Variants in LRRTM4 observed in about 807,000 individuals in gnomAD.
LRRTM4 encodes the protein leucine-rich repeat transmembrane neuronal protein 4.
In LRRTM4, 25 loss-of-function variants were observed where a neutral mutation model predicts 47.6. The observed-to-expected ratio is 0.53, with a 90% CI of 0.38 to 0.73. The LOEUF (loss-of-function observed/expected upper bound fraction) is 0.73, where lower values mean the gene tolerates loss of function less well. Among genes scored for constraint, LRRTM4 ranks in the 30% least tolerant of loss-of-function variants. LRRTM4 has a pLI of 0.00. For missense variants in LRRTM4, 638 were observed against 713.4 expected (o/e 0.89, Z 1.20); for synonymous variants, 311 against 269.5 (o/e 1.15, Z -1.51).
At chr2:77,508,407 C>G (rs1233180813) in intron 3 of LRRTM4, among the ~76,000 whole-genome samples, 1 of 152,100 alleles carries the variant, frequency 6.6e-6, no homozygotes, top group Non-Finnish European at 1.5e-5. Context: ...AGTGAGAATC[C>G]AAGCCGTGTT....
intron 3 of LRRTM4, among the ~76,000 whole-genome samples, chr2:77,505,327 T>A (rs749794371): frequency 1.3e-5 from 2 of 151,464 alleles, no homozygotes; most frequent in Non-Finnish European, 3.0e-5. Flanking sequence ...TCTGTCCTAT[T>A]GTTAATTTTT....
chr2:76,934,968 G>GAA (rs34194337), intron 3 of LRRTM4, among the ~76,000 whole-genome samples: 67 of 146,244 alleles, frequency 4.6e-4, no homozygotes, highest in East Asian at 1.2e-3. Flanking sequence ...TTCTTTGGAG[G>GAA]AAAAAAAAAA....
chr2:76,753,605 G>GTGTT (rs1284286617), intron 3 of LRRTM4, among the ~76,000 whole-genome samples: 3 of 152,110 alleles, frequency 2.0e-5, no homozygotes, highest in African/African-American at 7.2e-5. Flanking sequence ...GGGGTTCATA[G>GTGTT]TGTTAGTAAT....
intron 3 of LRRTM4, among the ~76,000 whole-genome samples, chr2:77,428,257 G>A (rs151116518): frequency 5.1e-4 from 78 of 152,196 alleles, no homozygotes; most frequent in African/African-American, 1.8e-3. Context: ...ACAGAAACAC[G>A]AGAATGGACT....
intron 3 of LRRTM4, among the ~76,000 whole-genome samples, chr2:77,470,559 T>C (rs1677151853): frequency 6.6e-6 from 1 of 152,082 alleles, no homozygotes; most frequent in Non-Finnish European, 1.5e-5. Flanking sequence ...CCAAGGAATG[T>C]TACATCAGGT....
At chr2:76,793,247 C>G (rs1301414536) in intron 3 of LRRTM4, among the ~76,000 whole-genome samples, 1 of 152,064 alleles carries the variant, frequency 6.6e-6, no homozygotes, top group Non-Finnish European at 1.5e-5. Flanking sequence ...TTCATTGTTC[C>G]TTGACCTTTC....
At chr2:77,151,115 GTA>G (rs918144774) in intron 3 of LRRTM4, among the ~76,000 whole-genome samples, 28 of 149,894 alleles carry the variant, frequency 1.9e-4, no homozygotes, top group Non-Finnish European at 2.8e-4. Flanking sequence ...CTACGTCCGT[GTA>G]TGTGTGTGTG....
chr2:76,758,222 C>G (rs1240546892), intron 3 of LRRTM4, among the ~76,000 whole-genome samples: 1 of 152,130 alleles, frequency 6.6e-6, no homozygotes, highest in African/African-American at 2.4e-5. Context: ...CCCAATGCCT[C>G]CAATCTGACA....
chr2:77,039,195 C>T (rs1413785718), intron 3 of LRRTM4, among the ~76,000 whole-genome samples: 1 of 151,308 alleles, frequency 6.6e-6, no homozygotes, highest in Non-Finnish European at 1.5e-5. Flanking sequence ...AAGAGGATCA[C>T]AGAATAGCTT....
intron 3 of LRRTM4, among the ~76,000 whole-genome samples, chr2:76,751,321 G>A (rs1672841952): frequency 6.6e-6 from 1 of 152,004 alleles, no homozygotes; most frequent in African/African-American, 2.4e-5. Flanking sequence ...TCTAAAGGAA[G>A]GTAAAAACTA....
At chr2:77,312,865 C>T (rs1293340509) in intron 3 of LRRTM4, among the ~76,000 whole-genome samples, 1 of 152,152 alleles carries the variant, frequency 6.6e-6, no homozygotes, top group East Asian at 1.9e-4. Flanking sequence ...TGAAGTCACA[C>T]AAATGAGGTC....
At chr2:76,955,845 A>C (rs1236851052) in intron 3 of LRRTM4, among the ~76,000 whole-genome samples, 1 of 151,762 alleles carries the variant, frequency 6.6e-6, no homozygotes, top group Non-Finnish European at 1.5e-5. Flanking sequence ...CCAGCCTCCA[A>C]ACTACGAAAA....
chr2:77,326,456 T>C (rs1670779476), intron 3 of LRRTM4, among the ~76,000 whole-genome samples: 1 of 152,192 alleles, frequency 6.6e-6, no homozygotes, highest in Non-Finnish European at 1.5e-5. Context: ...AGCAGTAGTA[T>C]GATCATAGCT....
At chr2:77,503,134 A>G (rs1678638429) in intron 3 of LRRTM4, among the ~76,000 whole-genome samples, 1 of 151,474 alleles carries the variant, frequency 6.6e-6, no homozygotes, top group South Asian at 2.1e-4. Context: ...AGGATGTAAC[A>G]TGATCCACTT....
chr2:76,807,471 C>CATATATAT (rs1553412706), intron 3 of LRRTM4, among the ~76,000 whole-genome samples: 5 of 97,480 alleles, frequency 5.1e-5, no homozygotes, highest in Admixed American at 2.0e-4. Context: ...TATATATATA[C>CATATATAT]ATATATATAT....
At position 77,060,354 on chromosome 2, in the gene LRRTM4, G is replaced by A. The variant is rs530647587; in HGVS notation, c.1552-311438C>T. Among the ~76,000 whole-genome samples, 5 of 152,006 alleles carry A rather than the reference G, an allele frequency of 3.3e-5. No individual in the cohort carries two copies. In the East Asian group the frequency reaches 9.7e-4, roughly 29 times the overall value. On this transcript the variant is annotated intron_variant, in intron 3 of 3. Transcript: ENST00000409884. ...TATTTTGTAATATAAAGATGCTATT[G>A]GCTTTATTGAATAGTAAATGAAAAG... is the stretch of plus-strand genomic sequence containing the variant.
chr2:76,947,898 C>T (rs756651279), intron 3 of LRRTM4, among the ~76,000 whole-genome samples: 1 of 151,814 alleles, frequency 6.6e-6, no homozygotes, highest in Non-Finnish European at 1.5e-5. Context: ...CAAGGCGACT[C>T]CCCAAATCAA....
intron 3 of LRRTM4, among the ~76,000 whole-genome samples, chr2:76,959,268 A>G (rs1022039457): frequency 2.0e-5 from 3 of 151,704 alleles, no homozygotes; most frequent in African/African-American, 7.2e-5. Flanking sequence ...CAATTTTAAA[A>G]CAAATGTCAT....
chr2:76,831,429 T>C (rs773000203), intron 3 of LRRTM4, among the ~76,000 whole-genome samples: 15 of 152,124 alleles, frequency 9.9e-5, no homozygotes, highest in African/African-American at 1.4e-4. Context: ...TGGTATTGCT[T>C]TGGTTCTTTA....
Sources: allele counts gnomAD v4.1 joint callset (sites outside exome capture counted in the v4.1 genomes callset), GRCh38; gene constraint gnomAD v4.1.1; transcripts MANE v1.5; gene names NCBI Gene and HGNC (gene_info 2026-07-23, HGNC 2026-07-21).